ADRA1B: variants seen among roughly 807,000 people sequenced by gnomAD.
ADRA1B encodes alpha-1B adrenergic receptor.
Under a neutral mutation model 17.9 loss-of-function variants are expected in ADRA1B, and 17 were observed. That is an observed-to-expected ratio of 0.95 (90% CI 0.65 to 1.42). The LOEUF (loss-of-function observed/expected upper bound fraction) is 1.42, where lower values mean the gene tolerates loss of function less well. Ranked by LOEUF, ADRA1B falls within the 40% of genes most tolerant of loss-of-function variation. ADRA1B has a pLI of 0.00. For synonymous variants in ADRA1B, 366 were observed against 327.6 expected, an observed-to-expected ratio of 1.12 and a Z score of -1.27; for missense variants, 681 against 722.1, an observed-to-expected ratio of 0.94 and a Z score of 0.65.
At chr5:159,898,682 G>A (rs1001441528) in intron 1 of ADRA1B, among the ~76,000 whole-genome samples, 4 of 151,980 alleles carry the variant, frequency 2.6e-5, no homozygotes, top group African/African-American at 9.7e-5. Context: ...TGTTACCATG[G>A]CCGTATTGAT....
intron 1 of ADRA1B, among the ~76,000 whole-genome samples, chr5:159,940,427 C>T (rs1056260014): frequency 4.6e-5 from 7 of 152,090 alleles, no homozygotes; most frequent in Non-Finnish European, 7.4e-5. Context: ...CCTGTTAGTT[C>T]GGTTTAGCCA....
chr5:159,953,955 C>G (rs2113267966), intron 1 of ADRA1B, among the ~76,000 whole-genome samples: 1 of 152,232 alleles, frequency 6.6e-6, no homozygotes, highest in African/African-American at 2.4e-5. Context: ...CTCTCTCTCC[C>G]CGGCTGCCTC....
chr5:159,946,468 G>T (rs370365326), intron 1 of ADRA1B, among the ~76,000 whole-genome samples: 1 of 152,134 alleles, frequency 6.6e-6, no homozygotes, highest in Admixed American at 6.5e-5. Context: ...ACCAGTACCC[G>T]CAAAGCCTCC....
At chr5:159,912,922 G>A (rs1466188593), upstream of ADRA1B, among the ~76,000 whole-genome samples, 1 of 152,166 alleles carries the variant, frequency 6.6e-6, no homozygotes, top group Non-Finnish European at 1.5e-5. Flanking sequence ...TTCATCTTTG[G>A]TTCACCCACG....
chr5:159,980,523 C>G, the ADRA1B span, among the ~76,000 whole-genome samples: 1 of 152,164 alleles, frequency 6.6e-6, no homozygotes, highest in Non-Finnish European at 1.5e-5. Flanking sequence ...GTCATTAGGA[C>G]TTGGGCTTGA....
At chr5:159,896,297 AG>A (rs1754039596) in intron 1 of ADRA1B, among the ~76,000 whole-genome samples, 1 of 152,246 alleles carries the variant, frequency 6.6e-6, no homozygotes, top group African/African-American at 2.4e-5. Flanking sequence ...TAAAGGAAGA[AG>A]TTACTCAAGA....
chr5:159,865,971 A>G (rs1414954089), intron 1 of ADRA1B, among the ~76,000 whole-genome samples: 1 of 152,200 alleles, frequency 6.6e-6, no homozygotes, highest in Non-Finnish European at 1.5e-5. Context: ...TTTCATATTC[A>G]TTAACTCATT....
chr5:159,890,484 G>T (rs1159972510), intron 1 of ADRA1B, among the ~76,000 whole-genome samples: 2 of 152,172 alleles, frequency 1.3e-5, no homozygotes, highest in African/African-American at 4.8e-5. Context: ...ACAGGGTAGG[G>T]TCCAGATAAG....
At chr5:159,878,171 C>T (rs1284699959) in intron 1 of ADRA1B, among the ~76,000 whole-genome samples, 2 of 152,198 alleles carry the variant, frequency 1.3e-5, no homozygotes, top group African/African-American at 4.8e-5. Flanking sequence ...CCTACAGTTG[C>T]CCTCTTGAAT....
chr5:159,881,122 C>G (rs1753856752), intron 1 of ADRA1B, among the ~76,000 whole-genome samples: 1 of 139,506 alleles, frequency 7.2e-6, no homozygotes, highest in Admixed American at 7.9e-5. Flanking sequence ...TGCAGTGAGC[C>G]GAGATTGCGC....
At chr5:159,922,911 G>A (rs1386776343) in intron 1 of ADRA1B, among the ~76,000 whole-genome samples, 1 of 152,254 alleles carries the variant, frequency 6.6e-6, no homozygotes, top group African/African-American at 2.4e-5. Context: ...AACATAAACT[G>A]CAACAAGTGA....
At chr5:159,866,598 A>G (rs1753657012) in intron 1 of ADRA1B, among the ~76,000 whole-genome samples, 1 of 151,746 alleles carries the variant, frequency 6.6e-6, no homozygotes, top group South Asian at 2.1e-4. Flanking sequence ...AAAAAGGAAA[A>G]AAAAAAAAAA....
chr5:159,916,471 C>T (rs1754306508), upstream of ADRA1B: 1 of 152,982 alleles, frequency 6.5e-6, no homozygotes, highest in South Asian at 2.1e-4. Context: ...CGCCTGATGT[C>T]ACCGCCGTGC....
intron 1 of ADRA1B, among the ~76,000 whole-genome samples, chr5:159,943,467 C>A (rs1321790817): frequency 6.6e-6 from 1 of 152,132 alleles, no homozygotes; most frequent in East Asian, 1.9e-4. Context: ...TAGTTTAAGA[C>A]CCTGATGAAA....
chr5:159,926,200 C>T (rs1754641688), intron 1 of ADRA1B, among the ~76,000 whole-genome samples: 2 of 152,150 alleles, frequency 1.3e-5, no homozygotes, highest in African/African-American at 2.4e-5. Context: ...CCTCTCCCAC[C>T]AGTGTGTTTC....
chr5:159,941,607 C>T (rs62377694), intron 1 of ADRA1B, among the ~76,000 whole-genome samples: 2 of 151,874 alleles, frequency 1.3e-5, no homozygotes, highest in Non-Finnish European at 2.9e-5. Context: ...TCATAATGGC[C>T]GAAAGAAGGA....
chr5:159,883,100 G>A (rs1298976872), intron 1 of ADRA1B, among the ~76,000 whole-genome samples: 1 of 152,084 alleles, frequency 6.6e-6, no homozygotes, highest in Non-Finnish European at 1.5e-5. Context: ...TTACCCTTAA[G>A]GCAAGTCTTA....
intron 1 of ADRA1B, among the ~76,000 whole-genome samples, chr5:159,943,927 CACACACACACACAA>C (rs1219967455): frequency 6.6e-6 from 1 of 151,552 alleles, no homozygotes; most frequent in Non-Finnish European, 1.5e-5. Context: ...CACACACACA[CACACACACACACAA>C]ACACACACAC....
At chr5:159,978,667 A>G in the ADRA1B span, among the ~76,000 whole-genome samples, 1 of 152,156 alleles carries the variant, frequency 6.6e-6, no homozygotes, top group Non-Finnish European at 1.5e-5. Context: ...TTTGGAGACA[A>G]CTTCATTGGG....
Sources: gnomAD v4.1 joint callset for allele counts (sites outside exome capture counted in the v4.1 genomes callset) on GRCh38, gnomAD v4.1.1 for gene constraint, MANE v1.5 for transcripts, NCBI Gene and HGNC (gene_info 2026-07-23, HGNC 2026-07-21) for gene names.